VKORC1: variants seen among roughly 807,000 people sequenced by gnomAD.
VKORC1 encodes the protein phylloquinone epoxide reductase.
Under a neutral mutation model 14.8 loss-of-function variants are expected in VKORC1, and 12 were observed. That is an observed-to-expected ratio of 0.81 (90% CI 0.52 to 1.31). VKORC1 has a LOEUF of 1.31. Ranked by LOEUF, VKORC1 falls within the 50% of genes most tolerant of loss-of-function variation. The pLI, the probability that VKORC1 is intolerant of heterozygous loss-of-function variation, is 0.00. For synonymous variants in VKORC1, 94 were observed against 92.5 expected (o/e 1.02, Z -0.09); for missense variants, 223 against 215.3 (o/e 1.04, Z -0.22).
chr16:31,094,127 C>T (rs1231389873), intron 1 of VKORC1: 4 of 1,520,392 alleles, frequency 2.6e-6, no homozygotes, highest in Non-Finnish European at 2.7e-6. Flanking sequence ...CCTGGCCACT[C>T]ACTCGCCTCC....
At chr16:31,092,676 T>C in intron 2 of VKORC1, 1 of 1,207,694 alleles carries the variant, frequency 8.3e-7, no homozygotes, top group Non-Finnish European at 1.1e-6. Flanking sequence ...ATTTTCCTGC[T>C]GAGCACTAAA....
At chr16:31,092,708 C>T in intron 2 of VKORC1, 1 of 1,259,352 alleles carries the variant, frequency 7.9e-7, no homozygotes, top group South Asian at 1.3e-5. Flanking sequence ...ATAGCTCATG[C>T]TCAGCTTCTC....
At chr16:31,093,183 C>A in intron 2 of VKORC1, 129 bp downstream of exon 2, 2 of 975,920 alleles carry the variant, frequency 2.0e-6, no homozygotes, top group Admixed American at 2.0e-5. Context: ...ACCCGCAGGA[C>A]GCTCCGTGAT....
At chr16:31,092,323 T>C (rs2057295393) in intron 2 of VKORC1, among the ~76,000 whole-genome samples, 1 of 150,800 alleles carries the variant, frequency 6.6e-6, no homozygotes, top group African/African-American at 2.4e-5. Flanking sequence ...AGCAAGATTA[T>C]TTCTTAAAAA....
chr16:31,091,907 G>A (rs1466241992), intron 2 of VKORC1, among the ~76,000 whole-genome samples: 2 of 151,474 alleles, frequency 1.3e-5, no homozygotes, highest in African/African-American at 2.4e-5. Flanking sequence ...TGCCCGGTGA[G>A]GTTGACTCAC....
intron 1 of VKORC1, chr16:31,093,645 C>T (rs1245051904): frequency 1.9e-6 from 2 of 1,080,402 alleles, no homozygotes; most frequent in South Asian, 1.6e-5. Flanking sequence ...AGACCAGGCC[C>T]GGACGTGGCT....
chr16:31,093,340 G>A lies in VKORC1; in HGVS notation c.255C>T (p.Cys85=). 1.2e-6 allele frequency: 2 copies of A among 1,614,110 alleles called. No individual in the cohort carries two copies. Among genetic ancestry groups the A allele is most frequent in the Non-Finnish European group, 1.7e-6 (2 of 1,180,032 alleles). ...ILNQSNSIFG[C]IFYTLQLLLG... Reference sequence around the variant, plus strand: ...ACAATAGCTGTAGTGTGTAGAAGATGCAACCGAATATGCTGTTGGATTGAT... The same window carrying A: ...ACAATAGCTGTAGTGTGTAGAAGATACAACCGAATATGCTGTTGGATTGAT... Residue 85 remains cysteine (C), a synonymous_variant, in exon 2 of 3, where the codon TGC becomes TGT. Coordinates refer to ENST00000394975, the MANE Select transcript of VKORC1 (RefSeq NM_024006.6).
chr16:31,091,439 T>C, intron 2 of VKORC1, 97 bp from the exon 3 acceptor site: 2 of 1,542,394 alleles, frequency 1.3e-6, no homozygotes, highest in Admixed American at 3.9e-5. Flanking sequence ...CAGGAGCTGC[T>C]GGGAAGGGTC....
At chr16:31,094,313 T>C (rs1294736376) in intron 1 of VKORC1, 2 of 1,612,826 alleles carry the variant, frequency 1.2e-6, no homozygotes, top group Admixed American at 3.3e-5. Context: ...CGTTATTCCT[T>C]GGCATCCAAT....
intron 2 of VKORC1, among the ~76,000 whole-genome samples, chr16:31,091,818 G>A (rs1222832878): frequency 1.3e-5 from 2 of 152,030 alleles, no homozygotes; most frequent in Non-Finnish European, 2.9e-5. Flanking sequence ...CCTAGGAGGT[G>A]GAGGTTGCAG....
chr16:31,091,018 G>A lies in VKORC1; in HGVS notation c.*116C>T. ...TCATGTGCGGGTATGGCAGGAGGAG[G>A]GGGTAATCTAGAAGCCCCACATCTA... On this transcript the variant is annotated 3_prime_UTR_variant, in exon 3 of 3. Coordinates refer to ENST00000394975, the MANE Select transcript of VKORC1 (RefSeq NM_024006.6). 1 of 1,508,344 alleles carries A rather than the reference G, an allele frequency of 6.6e-7. No individual in the cohort carries two copies. Among genetic ancestry groups the A allele is most frequent in the Non-Finnish European group, 9.0e-7 (1 of 1,116,160 alleles). 93.4% of individuals were successfully genotyped at this position (1,508,344 alleles called of 1,614,324 possible).
Position 31,091,263 on chromosome 16 carries a change from G to A in VKORC1, c.363C>T (p.Ala121=). The A allele has an allele frequency of 1.2e-6, 2 of 1,614,198 alleles. No homozygotes were observed. The highest frequency in any genetic ancestry group is 1.7e-6 in the Non-Finnish European group (2 of 1,180,040). The change falls in exon 3 of 3, where the codon GCC becomes GCT. Residue 121 remains alanine (A), a synonymous_variant. Coordinates refer to ENST00000394975, the MANE Select transcript of VKORC1 (RefSeq NM_024006.6). ...LVSLAGSVYL[A]WILFFVLYDF... is the part of the protein sequence containing the mutation. ...CATAGAGCACGAAGAACAGGATCCAGGCCAGGTAGACAGAACCAGCGAGAG... is the reference window on the plus strand; with the variant it reads ...CATAGAGCACGAAGAACAGGATCCAAGCCAGGTAGACAGAACCAGCGAGAG...
At position 31,094,718 on chromosome 16, in the gene VKORC1, G is replaced by C. The variant is rs1292429933; in HGVS notation, c.12C>G (p.Thr4=). The C allele has an allele frequency of 5.6e-6, 9 of 1,606,010 alleles. No individual in the cohort carries two copies. Among genetic ancestry groups the C allele is most frequent in the Non-Finnish European group, 7.6e-6 (9 of 1,178,152 alleles). MGS[T]WGSPGWVRLA... ...GCCGCACCCAGCCAGGGCTCCCCCA[G>C]GTGCTGCCCATTATCTCCAGGTTCC... is the stretch of plus-strand genomic sequence containing the variant. The change falls in exon 1 of 3, where the codon ACC becomes ACG. Residue 4 remains threonine (T), a synonymous_variant. Transcript: ENST00000394975.
intron 1 of VKORC1, chr16:31,093,629 C>G (rs2057305300): frequency 7.4e-7 from 1 of 1,350,236 alleles, no homozygotes; most frequent in Non-Finnish European, 1.0e-6. Context: ...ATCCTCCCCT[C>G]TCCCCAGACC....
chr16:31,093,529 G>A (rs1406714970), intron 1 of VKORC1, 108 bp from the exon 2 acceptor site: 1 of 1,569,552 alleles, frequency 6.4e-7, no homozygotes, highest in Non-Finnish European at 8.6e-7. Flanking sequence ...GCTATCCTCT[G>A]TTCCCCGACC....
chr16:31,093,167 A>G, intron 2 of VKORC1, 145 bp downstream of exon 2: 2 of 855,630 alleles, frequency 2.3e-6, no homozygotes, highest in East Asian at 5.3e-5. Context: ...ACCTCCCCAC[A>G]TCCCCACCCG....
intron 2 of VKORC1, chr16:31,092,716 C>T (rs1382916037): frequency 1.8e-5 from 23 of 1,266,148 alleles, no homozygotes; most frequent in Non-Finnish European, 2.2e-5. Flanking sequence ...TGCTCAGCTT[C>T]TCCTTAAAAA....
chr16:31,092,526 C>T (rs1338734682), intron 2 of VKORC1, among the ~76,000 whole-genome samples: 2 of 152,036 alleles, frequency 1.3e-5, no homozygotes, highest in Non-Finnish European at 2.9e-5. Flanking sequence ...GGAAGGGTGA[C>T]TCAAAGGGAG....
intron 2 of VKORC1, chr16:31,092,764 G>A (rs148792678): frequency 8.6e-6 from 11 of 1,280,428 alleles, no homozygotes; most frequent in Middle Eastern, 2.1e-4. Flanking sequence ...TGGGGTGTTG[G>A]TGGGGCATGG....
Sources: allele counts gnomAD v4.1 joint callset (sites outside exome capture counted in the v4.1 genomes callset), GRCh38; gene constraint gnomAD v4.1.1; transcripts MANE v1.5; gene names NCBI Gene and HGNC (gene_info 2026-07-23, HGNC 2026-07-21).